DNAH9: variants seen among roughly 807,000 people sequenced by gnomAD.
The protein encoded by DNAH9 is dynein axonemal heavy chain 9, also known as DNAH9 variant protein.
Under a neutral mutation model 471.6 loss-of-function variants are expected in DNAH9, and 345 were observed. The ratio of observed to expected loss-of-function variants is 0.73; its 90% CI spans 0.67 to 0.80. The LOEUF (loss-of-function observed/expected upper bound fraction) is 0.80. Ranked by LOEUF, DNAH9 falls within the 30% of genes least tolerant of loss-of-function variation. The probability of loss-of-function intolerance (pLI) is 0.00; values close to 1 mark genes in which losing one functional copy is unlikely to be tolerated. For missense variants in DNAH9, 5,407 were observed against 5,609.2 expected (o/e 0.96, Z 1.15); for synonymous variants, 2,093 against 2,123.6 (o/e 0.99, Z 0.40).
chr17:11,831,337 CAA>C (rs1970679151), intron 48 of DNAH9, among the ~76,000 whole-genome samples: 2 of 151,856 alleles, frequency 1.3e-5, no homozygotes, highest in Admixed American at 6.6e-5. Context: ...AGAGAGGAGG[CAA>C]GAGAGAGAGG....
chr17:11,797,934 G>GCT, intron 43 of DNAH9, 141 bp downstream of exon 43: 1 of 812,876 alleles, frequency 1.2e-6, no homozygotes, highest in Non-Finnish European at 1.9e-6. Flanking sequence ...ATGGCTGCTG[G>GCT]CAGAGCAGCT....
At chr17:11,756,497 G>T in intron 33 of DNAH9, 71 bp from the exon 34 acceptor site, 1 of 874,754 alleles carries the variant, frequency 1.1e-6, no homozygotes, top group Admixed American at 1.8e-5. Flanking sequence ...ATAATAATCA[G>T]CCAAATCCCC....
At chr17:11,865,285 G>A (rs574760677) in intron 50 of DNAH9, among the ~76,000 whole-genome samples, 3 of 152,068 alleles carry the variant, frequency 2.0e-5, no homozygotes, top group Non-Finnish European at 1.5e-5. Context: ...ATGAAGCTTA[G>A]TTTGGCTGGA....
At chr17:11,733,142 G>A (rs963974594) in intron 28 of DNAH9, among the ~76,000 whole-genome samples, 7 of 152,202 alleles carry the variant, frequency 4.6e-5, no homozygotes, top group East Asian at 3.9e-4. Flanking sequence ...AGCGTGGAGC[G>A]GGCCAGGGAG....
intron 35 of DNAH9, among the ~76,000 whole-genome samples, chr17:11,763,225 A>G (rs1049569089): frequency 6.6e-6 from 1 of 152,106 alleles, no homozygotes; most frequent in Non-Finnish European, 1.5e-5. Context: ...GAAAGTCCTC[A>G]GGAGAGCTCT....
chr17:11,601,273 A>C (rs2072380457), intron 1 of DNAH9, among the ~76,000 whole-genome samples: 1 of 150,314 alleles, frequency 6.7e-6, no homozygotes, highest in Non-Finnish European at 1.5e-5. Context: ...TTTTTTAAAG[A>C]AGTGCAGAAT....
At position 11,821,933 on chromosome 17, in the gene DNAH9, TCTCTA is replaced by T. The variant is rs1417849152; in HGVS notation, c.8726_8730del (p.Tyr2909Ter). 21 of 1,613,334 alleles carry T rather than the reference TCTCTA, an allele frequency of 1.3e-5. No individual in the cohort carries two copies. Among genetic ancestry groups the T allele is most frequent in the Non-Finnish European group, 1.5e-5 (18 of 1,179,810 alleles). On this transcript the variant is annotated frameshift_variant, in exon 46 of 69. Coordinates refer to ENST00000262442, the MANE Select transcript of DNAH9 (RefSeq NM_001372.4). LOFTEE classifies it high-confidence loss of function. ...ATTTTTTCCCAGGGGAGATCCCAGA[TCTCTA>T]CTCTGATGATGAAGTTGAAAACATC...
intron 45 of DNAH9, among the ~76,000 whole-genome samples, chr17:11,820,863 T>A (rs1970281227): frequency 6.6e-6 from 1 of 152,220 alleles, no homozygotes; most frequent in Admixed American, 6.5e-5. Flanking sequence ...CACAGGTTGA[T>A]TCAGATAGAG....
At chr17:11,727,106 C>A (rs1447429457) in intron 27 of DNAH9, among the ~76,000 whole-genome samples, 1 of 144,536 alleles carries the variant, frequency 6.9e-6, no homozygotes, top group Non-Finnish European at 1.5e-5. Flanking sequence ...GGGACTTTTC[C>A]ATTATTTGCA....
chr17:11,748,052 C>T (rs934830055), intron 32 of DNAH9, among the ~76,000 whole-genome samples: 7 of 148,126 alleles, frequency 4.7e-5, no homozygotes, highest in Non-Finnish European at 5.9e-5. Context: ...CGCCTGTAAT[C>T]CCAACACTTT....
intron 29 of DNAH9, 73 bp downstream of exon 29, chr17:11,739,110 G>A: frequency 7.0e-7 from 1 of 1,420,992 alleles, no homozygotes; most frequent in Non-Finnish European, 9.5e-7. Flanking sequence ...TAAAATGTGT[G>A]ACATATATTT....
At chr17:11,699,425 T>A (rs1362347705) in intron 22 of DNAH9, among the ~76,000 whole-genome samples, 1 of 152,208 alleles carries the variant, frequency 6.6e-6, no homozygotes, top group Non-Finnish European at 1.5e-5. Context: ...GACCATCATA[T>A]TTTTCTCCAA....
chr17:11,608,766 C>T (rs2072563673), intron 2 of DNAH9, among the ~76,000 whole-genome samples: 2 of 152,214 alleles, frequency 1.3e-5, no homozygotes. Flanking sequence ...TCTCCTCCCC[C>T]AGCAGCTGAA....
rs1597784228 is a variant in DNAH9 at position 11,881,306 on chromosome 17, C to T, written c.10699C>T (p.Gln3567Ter). ...TAATCCTCACTACCAGCCTGAGCTG[C>T]AGGCTCAGGCCACCCTGATCAACTT... is the stretch of plus-strand genomic sequence containing the variant. ...LANPHYQPELQAQATLINFTV... is the reference protein window; with the variant it reads ...LANPHYQPEL The change falls in exon 55 of 69, where the codon CAG becomes TAG. Residue 3567 changes from glutamine to a stop codon, truncating the protein, a stop_gained. Coordinates refer to ENST00000262442, the MANE Select transcript of DNAH9 (RefSeq NM_001372.4). LOFTEE classifies it high-confidence loss of function. The T allele has an allele frequency of 1.2e-6, 2 of 1,614,170 alleles. No homozygotes were observed. Among genetic ancestry groups the T allele is most frequent in the East Asian group, 2.2e-5 (1 of 44,864 alleles).
At chr17:11,666,468 C>T (rs923605558) in intron 15 of DNAH9, among the ~76,000 whole-genome samples, 9 of 152,242 alleles carry the variant, frequency 5.9e-5, no homozygotes, top group East Asian at 3.9e-4. Context: ...AAGTTTCCTT[C>T]GCTTTGTGGA....
intron 29 of DNAH9, among the ~76,000 whole-genome samples, chr17:11,740,064 T>TC (rs1049348900): frequency 2.6e-5 from 4 of 152,132 alleles, no homozygotes; most frequent in African/African-American, 9.7e-5. Context: ...CGGGGCCTTC[T>TC]CCTTCTTCAG....
At chr17:11,959,883 C>T (rs893796466) in intron 67 of DNAH9, among the ~76,000 whole-genome samples, 1 of 152,224 alleles carries the variant, frequency 6.6e-6, no homozygotes, top group Admixed American at 6.5e-5. Context: ...ACACTGTACT[C>T]ATTCAGGCTG....
rs192963208 is a variant in DNAH9, at chr17:11,809,035, G to T, written c.8583+1141G>T. On this transcript the variant is annotated intron_variant, in intron 44 of 68. Transcript: ENST00000262442. Reference sequence around the variant, plus strand: ...AGAAATAGCTGTGAGTAATGTGAGAGAGAGAGAAAGGCAACATCAAGAACT... The same window carrying T: ...AGAAATAGCTGTGAGTAATGTGAGATAGAGAGAAAGGCAACATCAAGAACT... 3.6e-3 allele frequency among the ~76,000 whole-genome samples: 547 copies of T among 152,314 alleles called. 1 individual carries two copies. Among genetic ancestry groups the T allele is most frequent in the African/African-American group, 0.013 (524 of 41,556 alleles).
rs2074006176 is a variant in DNAH9 at position 11,673,671 on chromosome 17, A to G, written c.3353+3877A>G. Reference sequence around the variant, plus strand: ...AAAAAGTTTTATGATGAAATATAACATACATACAATTTAGAGAACAATATT... The same window carrying G: ...AAAAAGTTTTATGATGAAATATAACGTACATACAATTTAGAGAACAATATT... On this transcript the variant is annotated intron_variant, in intron 17 of 68. Coordinates refer to ENST00000262442, the MANE Select transcript of DNAH9 (RefSeq NM_001372.4). 2.6e-5 allele frequency among the ~76,000 whole-genome samples: 4 copies of G among 151,128 alleles called. No individual in the cohort carries two copies. The South Asian group carries it at 8.3e-4, about 31-fold the overall frequency.
Sources: allele counts gnomAD v4.1 joint callset (sites outside exome capture counted in the v4.1 genomes callset), GRCh38; gene constraint gnomAD v4.1.1; transcripts MANE v1.5; gene names NCBI Gene and HGNC (gene_info 2026-07-23, HGNC 2026-07-21).